The following LRRTM3 variants were observed in gnomAD, a reference collection of about 807,000 sequenced individuals.
LRRTM3 encodes the protein leucine-rich repeat transmembrane neuronal protein 3.
Under a neutral mutation model 44.7 loss-of-function variants are expected in LRRTM3, and 24 were observed. The ratio of observed to expected loss-of-function variants is 0.54; its 90% CI spans 0.39 to 0.76. LRRTM3 has a LOEUF of 0.76. Ranked by LOEUF, LRRTM3 falls within the 30% of genes least tolerant of loss-of-function variation. LRRTM3 has a pLI of 0.00. For synonymous variants in LRRTM3, 277 were observed against 278.7 expected (o/e 0.99, Z 0.06); for missense variants, 587 against 702.2 (o/e 0.84, Z 1.85).
At chr10:66,998,162 T>C (rs1453487658) in intron 2 of LRRTM3, among the ~76,000 whole-genome samples, 6 of 152,220 alleles carry the variant, frequency 3.9e-5, no homozygotes, top group Admixed American at 6.5e-5. Flanking sequence ...CACGGCATTT[T>C]AGCACAGCCT....
intron 2 of LRRTM3, among the ~76,000 whole-genome samples, chr10:67,071,472 A>G (rs1856457532): frequency 6.6e-6 from 1 of 150,730 alleles, no homozygotes; most frequent in Admixed American, 6.6e-5. Context: ...TGTTAAGTCA[A>G]TTCTCAATCT....
rs956125100 is a variant in LRRTM3, at chr10:67,098,849, G to A, written c.*1053G>A. The A allele has an allele frequency of 6.6e-6, 1 of 151,846 alleles. No homozygotes were observed. Among genetic ancestry groups the A allele is most frequent in the Admixed American group, 6.6e-5 (1 of 15,218 alleles). The allele number at this position is 151,846 out of a possible 1,614,324, so 9.4% of individuals were successfully genotyped here. On this transcript the variant is annotated 3_prime_UTR_variant, in exon 3 of 3. Transcript: ENST00000361320. ...GCGGTTTACCTAAAAGTAACCATCA[G>A]TCAGTGCAAAATGTGCCTGGTTCTT...
At chr10:66,984,336 G>A (rs1312504347) in intron 2 of LRRTM3, among the ~76,000 whole-genome samples, 1 of 152,178 alleles carries the variant, frequency 6.6e-6, no homozygotes, top group Non-Finnish European at 1.5e-5. Context: ...TTCTTAGTAT[G>A]TGAATACAAC....
chr10:67,004,414 A>C (rs1851857135), intron 2 of LRRTM3, among the ~76,000 whole-genome samples: 1 of 152,236 alleles, frequency 6.6e-6, no homozygotes, highest in Non-Finnish European at 1.5e-5. Context: ...CCCTGTTAAA[A>C]TGATGACACA....
At chr10:66,997,904 C>G (rs1029354043) in intron 2 of LRRTM3, among the ~76,000 whole-genome samples, 7 of 152,148 alleles carry the variant, frequency 4.6e-5, no homozygotes, top group Non-Finnish European at 1.0e-4. Context: ...GACCTATTGA[C>G]TCTTCCTCCT....
At chr10:67,083,261 C>T (rs1857138935) in intron 2 of LRRTM3, among the ~76,000 whole-genome samples, 1 of 152,058 alleles carries the variant, frequency 6.6e-6, no homozygotes, top group Admixed American at 6.5e-5. Flanking sequence ...CACCATAACA[C>T]AAATATAAGC....
intron 2 of LRRTM3, among the ~76,000 whole-genome samples, chr10:67,048,730 A>T (rs188490822): frequency 6.6e-6 from 1 of 152,232 alleles, no homozygotes; most frequent in East Asian, 1.9e-4. Flanking sequence ...TGATAAAATG[A>T]GCAAAGTGAG....
chr10:67,094,670 T>C lies in LRRTM3; in HGVS notation c.1537-2917T>C. ...ACATCTGTATACAATACTTATAAATTAAAAATTGAGGAAGAAATGACTTAA... is the reference window on the plus strand; with the variant it reads ...ACATCTGTATACAATACTTATAAATCAAAAATTGAGGAAGAAATGACTTAA... On this transcript the variant is annotated intron_variant, in intron 2 of 2. Coordinates refer to ENST00000361320, the MANE Select transcript of LRRTM3 (RefSeq NM_178011.5). Among the ~76,000 whole-genome samples the C allele has an allele frequency of 2.0e-5, 3 of 151,868 alleles. No homozygotes were observed. The South Asian group carries it at 6.2e-4, about 31-fold the overall frequency.
intron 2 of LRRTM3, among the ~76,000 whole-genome samples, chr10:67,000,650 A>G (rs1004669877): frequency 7.2e-5 from 11 of 152,174 alleles, no homozygotes; most frequent in African/African-American, 2.7e-4. Context: ...CTATTACAGG[A>G]GTCTTTACAT....
rs530919109 is a variant in LRRTM3, at chr10:67,015,880, A to G, written c.1537-81707A>G. 5.9e-5 allele frequency among the ~76,000 whole-genome samples: 9 copies of G among 151,992 alleles called. No homozygotes were observed. The East Asian group carries it at 7.7e-4, about 13-fold the overall frequency. ...ATTTTGTCAGATTTTTTTCCAACCTAGTATCTATGCTTGTGACTTTGTTTT... is the reference window on the plus strand; with the variant it reads ...ATTTTGTCAGATTTTTTTCCAACCTGGTATCTATGCTTGTGACTTTGTTTT... On this transcript the variant is annotated intron_variant, in intron 2 of 2. Coordinates refer to ENST00000361320, the MANE Select transcript of LRRTM3 (RefSeq NM_178011.5).
intron 2 of LRRTM3, among the ~76,000 whole-genome samples, chr10:67,087,338 A>G (rs1279026869): frequency 1.3e-5 from 2 of 152,014 alleles, no homozygotes; most frequent in Non-Finnish European, 2.9e-5. Flanking sequence ...GCTTCTAGGA[A>G]GCACTAAAGA....
chr10:67,064,939 A>C (rs576542233), intron 2 of LRRTM3, among the ~76,000 whole-genome samples: 2 of 152,294 alleles, frequency 1.3e-5, no homozygotes, highest in East Asian at 3.9e-4. Flanking sequence ...ACTTTCAATA[A>C]AGAAAATGCA....
At chr10:67,013,696 T>C (rs1397372757) in intron 2 of LRRTM3, among the ~76,000 whole-genome samples, 1 of 152,162 alleles carries the variant, frequency 6.6e-6, no homozygotes, top group African/African-American at 2.4e-5. Flanking sequence ...AGGAAGGTAA[T>C]AGGCAGGTAA....
chr10:66,929,077 G>T (rs141795067), intron 2 of LRRTM3, among the ~76,000 whole-genome samples: 1 of 152,208 alleles, frequency 6.6e-6, no homozygotes, highest in African/African-American at 2.4e-5. Context: ...CAGGGACAAA[G>T]TGATGAAGGG....
chr10:67,011,238 G>A (rs1470012160), intron 2 of LRRTM3, among the ~76,000 whole-genome samples: 1 of 151,968 alleles, frequency 6.6e-6, no homozygotes, highest in Non-Finnish European at 1.5e-5. Flanking sequence ...CTACTCGGGA[G>A]GCTGAGGCAG....
chr10:67,100,474 T>A lies in LRRTM3; in HGVS notation c.*2678T>A, dbSNP rs1207338493. Among the ~76,000 whole-genome samples the A allele has an allele frequency of 1.3e-5, 2 of 151,788 alleles. No individual in the cohort carries two copies. The highest frequency in any genetic ancestry group is 2.9e-5 in the Non-Finnish European group (2 of 67,828). ...TGAAAGACTGTGTCTGGAATCTTTA[T>A]CACATATTTCCAATTTATTTCAGTT... On this transcript the variant is annotated 3_prime_UTR_variant, in exon 3 of 3. Coordinates refer to ENST00000361320, the MANE Select transcript of LRRTM3 (RefSeq NM_178011.5).
At chr10:67,090,489 T>C (rs1857566465) in intron 2 of LRRTM3, among the ~76,000 whole-genome samples, 1 of 152,078 alleles carries the variant, frequency 6.6e-6, no homozygotes, top group South Asian at 2.1e-4. Flanking sequence ...CCAGTAAGAA[T>C]TAGATAGAGT....
At chr10:66,974,833 G>C (rs1454187585) in intron 2 of LRRTM3, among the ~76,000 whole-genome samples, 1 of 151,054 alleles carries the variant, frequency 6.6e-6, no homozygotes, top group East Asian at 1.9e-4. Context: ...GTCTGTTGAA[G>C]ACTTTCATCT....
intron 2 of LRRTM3, among the ~76,000 whole-genome samples, chr10:67,030,450 T>G (rs1335486632): frequency 6.6e-6 from 1 of 152,184 alleles, no homozygotes; most frequent in African/African-American, 2.4e-5. Flanking sequence ...AATCTTGAAC[T>G]ATATTTATAC....
Sources: gnomAD v4.1 joint callset for allele counts (sites outside exome capture counted in the v4.1 genomes callset) on GRCh38, gnomAD v4.1.1 for gene constraint, MANE v1.5 for transcripts, NCBI Gene and HGNC (gene_info 2026-07-23, HGNC 2026-07-21) for gene names.